Variants in MYO18B observed in about 807,000 individuals in gnomAD.
MYO18B encodes unconventional myosin-XVIIIb.
In MYO18B, 204 loss-of-function variants were observed where a neutral mutation model predicts 273.0. The observed-to-expected ratio is 0.75, with a 90% CI of 0.67 to 0.84. The LOEUF (loss-of-function observed/expected upper bound fraction) is 0.84, where lower values mean the gene tolerates loss of function less well. Ranked by LOEUF, MYO18B falls within the 40% of genes least tolerant of loss-of-function variation. The pLI is 0.00. For missense variants in MYO18B, 3,212 were observed against 3,287.6 expected (o/e 0.98, Z 0.56); for synonymous variants, 1,330 against 1,305.7 (o/e 1.02, Z -0.40).
chr22:26,044,838 G>A, the MYO18B span, among the ~76,000 whole-genome samples: 13 of 152,194 alleles, frequency 8.5e-5, no homozygotes, highest in African/African-American at 2.9e-4. Context: ...AAATATTCAA[G>A]TATAAGGAGA....
intron 40 of MYO18B, among the ~76,000 whole-genome samples, chr22:25,997,978 C>CGAGAGA (rs5844669): frequency 3.7e-4 from 53 of 144,636 alleles, no homozygotes; most frequent in African/African-American, 1.1e-3. Flanking sequence ...CACACACACA[C>CGAGAGA]GAGAGAGAGA....
chr22:25,985,756 A>G (rs961194872), intron 39 of MYO18B, among the ~76,000 whole-genome samples: 1 of 151,948 alleles, frequency 6.6e-6, no homozygotes, highest in Non-Finnish European at 1.5e-5. Context: ...CAGTCTCCTG[A>G]GTAGCTGGGA....
At chr22:25,745,136 G>A (rs148008315) in intron 1 of MYO18B, among the ~76,000 whole-genome samples, 95 of 151,960 alleles carry the variant, frequency 6.3e-4, no homozygotes, top group African/African-American at 2.2e-3. Context: ...TTGAAACAAG[G>A]GCTGGCTCTA....
chr22:26,059,754 T>C, the MYO18B span, among the ~76,000 whole-genome samples: 2 of 152,224 alleles, frequency 1.3e-5, no homozygotes, highest in African/African-American at 4.8e-5. Context: ...CAATGAGAGA[T>C]CAGCCCTTGA....
the MYO18B span, among the ~76,000 whole-genome samples, chr22:26,041,811 G>A: frequency 6.6e-6 from 1 of 152,322 alleles, no homozygotes; most frequent in African/African-American, 2.4e-5. Context: ...GCACCAACAG[G>A]AAAGTTGGAA....
intron 1 of MYO18B, among the ~76,000 whole-genome samples, chr22:25,759,230 C>G (rs1009871839): frequency 1.3e-5 from 2 of 152,126 alleles, no homozygotes; most frequent in African/African-American, 4.8e-5. Flanking sequence ...GACATATACA[C>G]ATGTATGTTT....
intron 42 of MYO18B, among the ~76,000 whole-genome samples, chr22:26,009,980 C>T (rs6004886): frequency 0.043 from 6,609 of 152,238 alleles, 217 homozygotes; most frequent in African/African-American, 0.088. Context: ...TTTAACTCAG[C>T]ATGTCCAAGA....
the MYO18B span, among the ~76,000 whole-genome samples, chr22:26,063,350 A>G: frequency 6.6e-6 from 1 of 152,228 alleles, no homozygotes; most frequent in South Asian, 2.1e-4. Context: ...ATTACCTCGT[A>G]TGCTGAACGC....
intron 4 of MYO18B, 40 bp downstream of exon 4, chr22:25,769,468 A>G (rs2086636712): frequency 6.9e-7 from 1 of 1,455,766 alleles, no homozygotes; most frequent in Non-Finnish European, 9.1e-7. Context: ...AGCGGCAGAC[A>G]GGCCTCTCCA....
chr22:25,895,275 C>CA lies in MYO18B; in HGVS notation c.4667dup (p.Leu1557AlafsTer9). ...GCTGACAGCCAGGAAAGAGCTGGAGCAAAAGGTAAGATGTGGGGATAGTCT... is the reference window on the plus strand; with the variant it reads ...GCTGACAGCCAGGAAAGAGCTGGAGCAAAAAGGTAAGATGTGGGGATAGTCT... On this transcript the variant is annotated frameshift_variant, in exon 28 of 44. Coordinates refer to ENST00000335473, the MANE Select transcript of MYO18B (RefSeq NM_032608.7). LOFTEE classifies it high-confidence loss of function. 1 of 1,597,664 alleles carries CA rather than the reference C, an allele frequency of 6.3e-7. No individual in the cohort carries two copies. Among genetic ancestry groups the CA allele is most frequent in the Non-Finnish European group, 8.5e-7 (1 of 1,172,210 alleles).
rs2089373105 is a variant in MYO18B at position 25,823,651 on chromosome 22, G to A, written c.2668G>A (p.Gly890Ser). The A allele has an allele frequency of 2.5e-6, 4 of 1,613,832 alleles. No homozygotes were observed. The highest frequency in any genetic ancestry group is 3.3e-5 in the Admixed American group (2 of 60,000). Residue 890 changes from glycine to serine, a missense_variant, in exon 13 of 44, where the codon GGC becomes AGC. Gly to Ser is a moderately conservative substitution (Grantham distance 56). Coordinates refer to ENST00000335473, the MANE Select transcript of MYO18B (RefSeq NM_032608.7). ...AATGACGTTTGGGCCAAGCCGATGG[G>A]GCCTCGAGGATGAGGAAACCAGCTC... is the stretch of plus-strand genomic sequence containing the variant. ...QQMTFGPSRW[G>S]LEDEETSSGL...
At chr22:25,830,687 C>T (rs1415858532) in intron 15 of MYO18B, among the ~76,000 whole-genome samples, 3 of 152,172 alleles carry the variant, frequency 2.0e-5, no homozygotes, top group Admixed American at 6.5e-5. Flanking sequence ...GAGGCCTGGA[C>T]TTGAGGCCTG....
At chr22:25,973,014 C>G in intron 39 of MYO18B, among the ~76,000 whole-genome samples, 1 of 151,140 alleles carries the variant, frequency 6.6e-6, no homozygotes, top group Non-Finnish European at 1.5e-5. Flanking sequence ...CTCACCCACA[C>G]AATCCACTAC....
rs1936365464 is a variant in MYO18B at position 26,027,637 on chromosome 22, G to A, written c.7663G>A (p.Asp2555Asn). Reference sequence around the variant, plus strand: ...AGAGCCAGGGACGGGGAGGAAAGACGACGATGTTGCGAGCATAATGAAGAA... The same window carrying A: ...AGAGCCAGGGACGGGGAGGAAAGACAACGATGTTGCGAGCATAATGAAGAA... ...RREPGTGRKD[D>N]DVASIMKKYL... The change falls in exon 43 of 44, where the codon GAC (aspartate) becomes AAC (asparagine). Residue 2555 changes from aspartate to asparagine, a missense_variant. By Grantham distance (23) the Asp-to-Asn change is conservative (BLOSUM62 1). Coordinates refer to ENST00000335473, the MANE Select transcript of MYO18B (RefSeq NM_032608.7). This position sits in a 1 kb window ranked among gnomAD's most constrained non-coding sequence, Gnocchi z 4.1. 5.0e-6 allele frequency: 8 copies of A among 1,613,544 alleles called. No homozygotes were observed. The highest frequency in any genetic ancestry group is 2.2e-5 in the East Asian group (1 of 44,864).
rs770530056 is a variant in MYO18B at position 25,798,041 on chromosome 22, C to T, written c.2465C>T (p.Ala822Val). The T allele has an allele frequency of 1.9e-6, 3 of 1,612,792 alleles. No individual in the cohort carries two copies. In the Admixed American group the frequency reaches 5.0e-5, roughly 27 times the overall value. Residue 822 changes from alanine to valine, a missense_variant, in exon 12 of 44, where the codon GCT becomes GTT. Transcript: ENST00000335473. ...GGCATCTCAGAGAGCGAGCAGCGGG[C>T]TGTTTGGCGGGTCCTGGCAGCCATC... ...MLGISESEQR[A>V]VWRVLAAIYH...
At chr22:25,796,278 T>C (rs573526541) in intron 11 of MYO18B, among the ~76,000 whole-genome samples, 1 of 152,318 alleles carries the variant, frequency 6.6e-6, no homozygotes, top group East Asian at 1.9e-4. Flanking sequence ...TCATTTTCTG[T>C]TTCCTTCTGT....
intron 12 of MYO18B, among the ~76,000 whole-genome samples, chr22:25,805,739 G>T (rs2088443043): frequency 6.6e-6 from 1 of 152,210 alleles, no homozygotes; most frequent in African/African-American, 2.4e-5. Context: ...CACCCATGAT[G>T]CTGTGGCTCA....
At chr22:25,789,430 G>A (rs141752975) in intron 11 of MYO18B, among the ~76,000 whole-genome samples, 3,732 of 151,982 alleles carry the variant, frequency 0.025, 132 homozygotes, top group East Asian at 0.11. Flanking sequence ...GAGGTCAGGA[G>A]TTCGAGACCA....
Position 25,851,569 on chromosome 22 carries a change from A to G in MYO18B, c.3875A>G (p.Asp1292Gly), listed in dbSNP as rs1471400689. Reference protein sequence around the residue: ...KKLMSTSEGIDERKAVEELLE... With the variant: ...KKLMSTSEGIGERKAVEELLE... ...CTCATGTCGACCTCCGAGGGAATAGATGAAAGGAAGGTAGGTGGAGCACAT... is the reference window on the plus strand; with the variant it reads ...CTCATGTCGACCTCCGAGGGAATAGGTGAAAGGAAGGTAGGTGGAGCACAT... The change falls in exon 21 of 44, where the codon GAT becomes GGT. Residue 1292 changes from aspartate (D) to glycine (G), a missense_variant. Asp to Gly is a moderately conservative substitution (Grantham distance 94). Transcript: ENST00000335473. The G allele has an allele frequency of 6.4e-7, 1 of 1,555,724 alleles. No homozygotes were observed. The highest frequency in any genetic ancestry group is 8.7e-7 in the Non-Finnish European group (1 of 1,148,980).
Sources: allele counts gnomAD v4.1 joint callset (sites outside exome capture counted in the v4.1 genomes callset), GRCh38; gene constraint gnomAD v4.1.1; non-coding constraint Gnocchi (gnomAD v3.1); transcripts MANE v1.5; gene names NCBI Gene and HGNC (gene_info 2026-07-23, HGNC 2026-07-21).